CFAP210: variants seen among roughly 807,000 people sequenced by gnomAD.
CFAP210 encodes the protein cilia- and flagella- associated protein 210.
chr2:169,649,778 A>G, the CFAP210 span, among the ~76,000 whole-genome samples: 1 of 152,096 alleles, frequency 6.6e-6, no homozygotes, highest in Non-Finnish European at 1.5e-5. Flanking sequence ...CTAAAAATAC[A>G]AAATTAGCCA....
At chr2:169,648,426 C>G in the CFAP210 span, among the ~76,000 whole-genome samples, 1 of 145,494 alleles carries the variant, frequency 6.9e-6, no homozygotes. Context: ...GTACACTTAA[C>G]CATGCTTAAA....
At chr2:169,649,713 C>T in the CFAP210 span, among the ~76,000 whole-genome samples, 9 of 152,052 alleles carry the variant, frequency 5.9e-5, no homozygotes, top group African/African-American at 7.2e-5. Flanking sequence ...CGGATCACCT[C>T]GGGAGGTCAG....
the CFAP210 span, chr2:169,649,435 G>C: frequency 1.3e-5 from 16 of 1,219,026 alleles, no homozygotes; most frequent in Admixed American, 2.2e-5. Context: ...AGTTGAAGCA[G>C]AGGAGAGTCA....
At chr2:169,674,731 A>G in the CFAP210 span, 1 of 1,598,302 alleles carries the variant, frequency 6.3e-7, no homozygotes, top group Middle Eastern at 1.7e-4. Context: ...CAATCTGGGC[A>G]TCACGTTCTT....
the CFAP210 span, among the ~76,000 whole-genome samples, chr2:169,684,363 A>G: frequency 6.6e-6 from 1 of 152,196 alleles, no homozygotes; most frequent in Non-Finnish European, 1.5e-5. Flanking sequence ...GTAGCATTCA[A>G]TGGTTTTTAC....
the CFAP210 span, chr2:169,649,116 A>G: frequency 9.4e-6 from 13 of 1,382,442 alleles, no homozygotes; most frequent in Non-Finnish European, 1.3e-5. Context: ...GGGAGTAGAA[A>G]ACTAGCATGA....
the CFAP210 span, among the ~76,000 whole-genome samples, chr2:169,680,806 T>C: frequency 6.6e-6 from 1 of 152,178 alleles, no homozygotes; most frequent in Admixed American, 6.5e-5. Context: ...TATACATATG[T>C]CAAAATTATA....
chr2:169,653,052 ATATATATATATATATGTATGTGTG>A, the CFAP210 span, among the ~76,000 whole-genome samples: 1 of 107,174 alleles, frequency 9.3e-6, no homozygotes, highest in Non-Finnish European at 1.9e-5. Context: ...ATATATATAT[ATATATATATATATATGTATGTGTG>A]TATATATATG....
At chr2:169,668,929 G>A in the CFAP210 span, among the ~76,000 whole-genome samples, 2 of 152,070 alleles carry the variant, frequency 1.3e-5, no homozygotes, top group Admixed American at 6.6e-5. Context: ...TGATAAATTC[G>A]CTCAATGCAG....
At chr2:169,646,093 T>C in the CFAP210 span, 2 of 1,613,746 alleles carry the variant, frequency 1.2e-6, no homozygotes, top group East Asian at 2.2e-5. Flanking sequence ...CCTGAAATTC[T>C]TTCTCCTTTT....
chr2:169,665,833 C>T, the CFAP210 span, among the ~76,000 whole-genome samples: 1 of 152,330 alleles, frequency 6.6e-6, no homozygotes, highest in Admixed American at 6.5e-5. Context: ...GGAAGAAAGG[C>T]AGGCTTGTAG....
At chr2:169,693,686 C>A in the CFAP210 span, among the ~76,000 whole-genome samples, 1 of 152,120 alleles carries the variant, frequency 6.6e-6, no homozygotes, top group African/African-American at 2.4e-5. Context: ...AACAGGTCAC[C>A]TGAATTACAG....
chr2:169,679,173 C>T, the CFAP210 span, among the ~76,000 whole-genome samples: 61,876 of 151,908 alleles, frequency 0.41, 12,868 homozygotes, highest in Non-Finnish European at 0.44. Flanking sequence ...CATATAAGCA[C>T]ATATTTAAAA....
At chr2:169,661,220 G>A in the CFAP210 span, 1 of 572,104 alleles carries the variant, frequency 1.7e-6, no homozygotes, top group Non-Finnish European at 3.5e-6. Context: ...GCTGGCTGCT[G>A]GATTACCTCT....
At chr2:169,681,004 T>C in the CFAP210 span, 16 of 1,612,410 alleles carry the variant, frequency 9.9e-6, no homozygotes, top group South Asian at 1.8e-4. Flanking sequence ...GGTTAATACT[T>C]ACTGCATATG....
At chr2:169,656,627 G>A in the CFAP210 span, among the ~76,000 whole-genome samples, 1 of 152,098 alleles carries the variant, frequency 6.6e-6, no homozygotes, top group Admixed American at 6.6e-5. Context: ...GCTATTCAGG[G>A]CCATGAGGCA....
At chr2:169,675,004 G>C in the CFAP210 span, 1 of 1,527,098 alleles carries the variant, frequency 6.5e-7, no homozygotes, top group Non-Finnish European at 8.8e-7. Context: ...TCTTCATCAC[G>C]CTTCTTTTTG....
the CFAP210 span, among the ~76,000 whole-genome samples, chr2:169,647,741 T>C: frequency 6.6e-6 from 1 of 152,198 alleles, no homozygotes; most frequent in Non-Finnish European, 1.5e-5. Context: ...AAAGATACTA[T>C]CAATGGAGTA....
At chr2:169,676,986 C>T in the CFAP210 span, among the ~76,000 whole-genome samples, 1 of 152,152 alleles carries the variant, frequency 6.6e-6, no homozygotes, top group Non-Finnish European at 1.5e-5. Context: ...CAGGGGACAC[C>T]TCCCCATTTC....
Sources: gnomAD v4.1 joint callset for allele counts (sites outside exome capture counted in the v4.1 genomes callset) on GRCh38, gnomAD v4.1.1 for gene constraint, MANE v1.5 for transcripts, NCBI Gene and HGNC (gene_info 2026-07-23, HGNC 2026-07-21) for gene names.